The following PXDC1 variants were observed in gnomAD, a reference collection of about 807,000 sequenced individuals.
PXDC1 encodes PX domain containing 1, also known as PX domain-containing protein 1.
PXDC1 carries 13 observed loss-of-function variants against 24.4 expected under a neutral mutation model. The ratio of observed to expected loss-of-function variants is 0.53; its 90% CI spans 0.35 to 0.85. The LOEUF is 0.85. PXDC1 is among the 40% of genes least tolerant of loss of function. The pLI is 0.01. For synonymous variants in PXDC1, 162 were observed against 124.9 expected (o/e 1.30, Z -1.98); for missense variants, 344 against 309.3 (o/e 1.11, Z -0.84).
chr6:3,749,786 G>T (rs1760657597), intron 1 of PXDC1, among the ~76,000 whole-genome samples: 1 of 152,208 alleles, frequency 6.6e-6, no homozygotes. Context: ...CGGGGATCCC[G>T]CTCCAACCAG....
At chr6:3,738,261 T>C (rs566259180) in intron 1 of PXDC1, 113 bp from the exon 2 acceptor site, 7 of 786,304 alleles carry the variant, frequency 8.9e-6, no homozygotes, top group African/African-American at 6.8e-5. Flanking sequence ...TGTAATGAGA[T>C]GTCGGGAACA....
chr6:3,750,932 C>T (rs1016236565), intron 1 of PXDC1, among the ~76,000 whole-genome samples: 1 of 152,082 alleles, frequency 6.6e-6, no homozygotes, highest in African/African-American at 2.4e-5. Flanking sequence ...GGGGCTAGGG[C>T]CGGGCCGACC....
intron 1 of PXDC1, 137 bp downstream of exon 1, chr6:3,751,139 G>GAA: frequency 1.6e-6 from 1 of 641,676 alleles, no homozygotes; most frequent in South Asian, 2.9e-5. Context: ...GTCTGCGGGC[G>GAA]CGGGGTCCAA....
At chr6:3,730,324 G>A (rs891291213) in intron 3 of PXDC1, among the ~76,000 whole-genome samples, 6 of 152,140 alleles carry the variant, frequency 3.9e-5, no homozygotes, top group Admixed American at 6.5e-5. Context: ...TTCCCAACAC[G>A]GGTTCAGAAA....
chr6:3,733,940 CT>C (rs1448453863), intron 3 of PXDC1, among the ~76,000 whole-genome samples: 1 of 152,176 alleles, frequency 6.6e-6, no homozygotes, highest in African/African-American at 2.4e-5. Flanking sequence ...ACCAGACACT[CT>C]TCTCTGGATG....
intron 3 of PXDC1, among the ~76,000 whole-genome samples, chr6:3,730,192 T>G (rs2127598433): frequency 6.6e-6 from 1 of 152,300 alleles, no homozygotes; most frequent in South Asian, 2.1e-4. Flanking sequence ...AGATGGTCCC[T>G]GAGAAGCTCC....
chr6:3,740,376 T>C (rs965838545), intron 1 of PXDC1, among the ~76,000 whole-genome samples: 2 of 152,242 alleles, frequency 1.3e-5, no homozygotes, highest in Non-Finnish European at 2.9e-5. Context: ...GATGCCTAAT[T>C]AAATACGAAT....
At chr6:3,723,896 C>T (rs759594793) in intron 4 of PXDC1, among the ~76,000 whole-genome samples, 160 bp from the exon 5 acceptor site, 1 of 152,216 alleles carries the variant, frequency 6.6e-6, no homozygotes, top group Non-Finnish European at 1.5e-5. Context: ...TCTGAGACTG[C>T]CAGAGCTTCT....
At chr6:3,750,145 T>G (rs1441857232) in intron 1 of PXDC1, among the ~76,000 whole-genome samples, 2 of 152,194 alleles carry the variant, frequency 1.3e-5, no homozygotes, top group African/African-American at 4.8e-5. Context: ...AAGCTAATTA[T>G]CCACGTAATT....
Position 3,751,268 on chromosome 6 carries a change from C to T in PXDC1, c.256+8G>A, listed in dbSNP as rs1274081824. The T allele has an allele frequency of 2.7e-6, 4 of 1,505,844 alleles. No homozygotes were observed. The highest frequency in any genetic ancestry group is 2.6e-5 in the East Asian group (1 of 39,020). 93.3% of individuals were successfully genotyped at this position (1,505,844 alleles called of 1,614,324 possible). A position where few individuals can be genotyped will look rare whatever the true frequency, so the allele number is the denominator to read the frequency against. ...CCCCGCGCCCCTCCCGCGTCCCCGG[C>T]CCCGCACCTTGCCGCAGCGGCCCCT... On this transcript the variant is annotated splice_region_variant and intron_variant, in intron 1 of 4. Coordinates refer to ENST00000380283, the MANE Select transcript of PXDC1 (RefSeq NM_183373.4).
rs547579665 is a variant in PXDC1 at position 3,742,992 on chromosome 6, G to A, written c.257-4844C>T. ...TTTGTTCTTGGAATCAGAACTGAAC[G>A]CGCTGGAGGCAGTACAAAAATCTGA... On this transcript the variant is annotated intron_variant, in intron 1 of 4. Transcript: ENST00000380283. Among the ~76,000 whole-genome samples, 14 of 152,322 alleles carry A rather than the reference G, an allele frequency of 9.2e-5. No homozygotes were observed. In the South Asian group the frequency reaches 2.3e-3, roughly 25 times the overall value.
At chr6:3,729,001 C>G (rs1760135912) in intron 3 of PXDC1, among the ~76,000 whole-genome samples, 1 of 152,154 alleles carries the variant, frequency 6.6e-6, no homozygotes, top group Admixed American at 6.5e-5. Context: ...ATTCCTGGTG[C>G]CTTCTCAAAT....
intron 3 of PXDC1, among the ~76,000 whole-genome samples, chr6:3,727,863 G>A (rs1252094957): frequency 3.3e-5 from 5 of 151,232 alleles, no homozygotes; most frequent in Non-Finnish European, 5.9e-5. Flanking sequence ...ATCCCCGCAG[G>A]AGCCAGGCCT....
rs226961 is a variant in PXDC1, at chr6:3,725,804, A to G, written c.578+1747T>C. On this transcript the variant is annotated intron_variant, in intron 4 of 4. Coordinates refer to ENST00000380283, the MANE Select transcript of PXDC1 (RefSeq NM_183373.4). The surrounding 1 kb of genome is among the most constrained non-coding windows in gnomAD (Gnocchi z 4.8). ...CTGCCCGAGATTGAGGAGCCAGAGA[A>G]AGGCCCGGCAAGCCCAAGTCGGAAC... Among the ~76,000 whole-genome samples, 100,763 of 152,140 alleles carry G rather than the reference A, an allele frequency of 0.66. 33,486 individuals carry two copies. Among genetic ancestry groups the G allele is most frequent in the South Asian group, 0.68 (3,260 of 4,820 alleles).
chr6:3,723,297 G>C lies in PXDC1; in HGVS notation c.*322C>G, dbSNP rs1386125920. On this transcript the variant is annotated 3_prime_UTR_variant, in exon 5 of 5. Coordinates refer to ENST00000380283, the MANE Select transcript of PXDC1 (RefSeq NM_183373.4). ...ACCTCCCAGGAAGCAGTAGCAGTGA[G>C]AGCGAGCCCCACAGGAACTGTCCCT... is the stretch of plus-strand genomic sequence containing the variant. 6 of 308,840 alleles carry C rather than the reference G, an allele frequency of 1.9e-5. No individual in the cohort carries two copies. Among genetic ancestry groups the C allele is most frequent in the South Asian group, 9.8e-5 (1 of 10,224 alleles). 19.1% of individuals were successfully genotyped at this position (308,840 alleles called of 1,614,324 possible).
In PXDC1 at chr6:3,724,498, A is replaced by G. The variant is rs1303181732; in HGVS notation, c.579-762T>C. Among the ~76,000 whole-genome samples, 1 of 152,254 alleles carries G rather than the reference A, an allele frequency of 6.6e-6. No homozygotes were observed. The highest frequency in any genetic ancestry group is 1.5e-5 in the Non-Finnish European group (1 of 68,040). ...CCAGGTCTTTAAAAATGCGTAACAG[A>G]GAAAAGCACAAGAAGGACATTCTCC... On this transcript the variant is annotated intron_variant, in intron 4 of 4. Coordinates refer to ENST00000380283, the MANE Select transcript of PXDC1 (RefSeq NM_183373.4). The surrounding 1 kb of genome is among the most constrained non-coding windows in gnomAD (Gnocchi z 4.5).
chr6:3,751,114 G>A, intron 1 of PXDC1, 162 bp downstream of exon 1: 2 of 568,338 alleles, frequency 3.5e-6, no homozygotes, highest in Non-Finnish European at 5.7e-6. Flanking sequence ...TAACCCCGCC[G>A]CCCGGGCACC....
chr6:3,734,327 C>T (rs1248447024), intron 3 of PXDC1, among the ~76,000 whole-genome samples: 6 of 152,166 alleles, frequency 3.9e-5, no homozygotes, highest in African/African-American at 7.2e-5. Context: ...CCCTCTCACT[C>T]GGGGGCCAGC....
At chr6:3,750,931 G>A (rs112511043) in intron 1 of PXDC1, among the ~76,000 whole-genome samples, 5,010 of 152,144 alleles carry the variant, frequency 0.033, 285 homozygotes, top group African/African-American at 0.11. Context: ...GGGGGCTAGG[G>A]CCGGGCCGAC....
Sources: allele counts gnomAD v4.1 joint callset (sites outside exome capture counted in the v4.1 genomes callset), GRCh38; gene constraint gnomAD v4.1.1; non-coding constraint Gnocchi (gnomAD v3.1); transcripts MANE v1.5; gene names NCBI Gene and HGNC (gene_info 2026-07-23, HGNC 2026-07-21).